Variants in MAD1L1 observed in about 807,000 individuals in gnomAD.
MAD1L1 encodes the protein mitotic arrest deficient 1 like 1, also known as mitotic spindle assembly checkpoint protein MAD1.
Under a neutral mutation model 96.9 loss-of-function variants are expected in MAD1L1, and 95 were observed. That is an observed-to-expected ratio of 0.98 (90% CI 0.83 to 1.16). MAD1L1 has a LOEUF of 1.16. Among genes scored for constraint, MAD1L1 ranks in the 50% most tolerant of loss-of-function variants. The pLI, the probability that MAD1L1 is intolerant of heterozygous loss-of-function variation, is 0.00. For synonymous variants in MAD1L1, 473 were observed against 396.6 expected (o/e 1.19, Z -2.29); for missense variants, 1,007 against 954.4 (o/e 1.06, Z -0.73).
In MAD1L1 at chr7:1,915,791, C is replaced by T. The variant is rs115378591; in HGVS notation, c.1808-17401G>A. Among the ~76,000 whole-genome samples, 1,146 of 152,314 alleles carry T rather than the reference C, an allele frequency of 7.5e-3. 12 individuals are homozygous for T. Among genetic ancestry groups the T allele is most frequent in the African/African-American group, 0.026 (1,097 of 41,566 alleles). On this transcript the variant is annotated intron_variant, in intron 17 of 18. Coordinates refer to ENST00000265854, the MANE Select transcript of MAD1L1 (RefSeq NM_001013836.2). ...ACAGTGAGATGTGGACCTCCCCTCA[C>T]GCCACGAACAGAACCAGCGGGATAA...
chr7:1,819,926 TAG>T (rs1782037967), intron 18 of MAD1L1, among the ~76,000 whole-genome samples: 1 of 151,898 alleles, frequency 6.6e-6, no homozygotes, highest in Admixed American at 6.6e-5. Context: ...GGGAGGAAGC[TAG>T]AGATGGAATG....
chr7:2,082,257 A>G (rs1785691001), intron 11 of MAD1L1, among the ~76,000 whole-genome samples: 2 of 151,946 alleles, frequency 1.3e-5, no homozygotes, highest in Non-Finnish European at 2.9e-5. Flanking sequence ...GGAAACCAGA[A>G]AAGCCAGGGA....
rs553975404 is a variant in MAD1L1, at chr7:2,162,416, C to T, written c.987-13178G>A. On this transcript the variant is annotated intron_variant, in intron 10 of 18. Coordinates refer to ENST00000265854, the MANE Select transcript of MAD1L1 (RefSeq NM_001013836.2). ...ATGCTGGTTAAGAGTCATCACCACT[C>T]CCTAATCTCAAGTACCCAGGGACAC... Among the ~76,000 whole-genome samples, 3 of 152,050 alleles carry T rather than the reference C, an allele frequency of 2.0e-5. No individual in the cohort carries two copies. The South Asian group carries it at 6.2e-4, about 32-fold the overall frequency.
In MAD1L1 at chr7:1,821,092, A is replaced by G. The variant is rs1217858682; in HGVS notation, c.1999-4864T>C. Among the ~76,000 whole-genome samples, 329 of 132,244 alleles carry G rather than the reference A, an allele frequency of 2.5e-3. 2 individuals are homozygous for G. The highest frequency in any genetic ancestry group is 9.0e-3 in the African/African-American group (315 of 35,048). 86.8% of individuals were successfully genotyped at this position (132,244 alleles called of 152,430 possible). A position where few individuals can be genotyped will look rare whatever the true frequency, so the allele number is the denominator to read the frequency against. On this transcript the variant is annotated intron_variant, in intron 18 of 18. Transcript: ENST00000265854. ...CGAGACTCCATCTCAAAAAAAAAAA[A>G]AGGGGGGGGGGAGAGTGAAATGACC...
intron 17 of MAD1L1, among the ~76,000 whole-genome samples, chr7:1,915,468 G>A (rs981310097): frequency 4.6e-5 from 7 of 152,176 alleles, no homozygotes; most frequent in African/African-American, 1.2e-4. Flanking sequence ...TGCTGAGGAC[G>A]GTCAGGGGCA....
intron 18 of MAD1L1, among the ~76,000 whole-genome samples, chr7:1,894,076 G>A (rs775918870): frequency 5.3e-5 from 8 of 152,224 alleles, no homozygotes; most frequent in Non-Finnish European, 1.0e-4. Flanking sequence ...TGGAGCTGCT[G>A]CGAACAGTAC....
At chr7:2,163,525 C>G (rs1790269214) in intron 10 of MAD1L1, among the ~76,000 whole-genome samples, 1 of 152,120 alleles carries the variant, frequency 6.6e-6, no homozygotes, top group Non-Finnish European at 1.5e-5. Flanking sequence ...AGGCGCATGA[C>G]ACCACACCTG....
chr7:2,086,146 G>A (rs1266626304), intron 11 of MAD1L1, among the ~76,000 whole-genome samples: 1 of 152,196 alleles, frequency 6.6e-6, no homozygotes, highest in Non-Finnish European at 1.5e-5. Context: ...CTAAAGACAA[G>A]CAACTGAGCT....
At chr7:2,006,773 AGAG>A (rs1782052102) in intron 13 of MAD1L1, among the ~76,000 whole-genome samples, 1 of 152,188 alleles carries the variant, frequency 6.6e-6, no homozygotes, top group Admixed American at 6.5e-5. Flanking sequence ...CTGTGTGCGC[AGAG>A]GAGGCTCCCA....
intron 18 of MAD1L1, among the ~76,000 whole-genome samples, chr7:1,865,737 G>A (rs1346411392): frequency 6.6e-6 from 1 of 152,252 alleles, no homozygotes; most frequent in African/African-American, 2.4e-5. Context: ...ATCAGGACTG[G>A]CTGCCTTGGA....
At chr7:1,936,503 G>T (rs1778612060) in intron 17 of MAD1L1, among the ~76,000 whole-genome samples, 184 bp downstream of exon 17, 1 of 152,182 alleles carries the variant, frequency 6.6e-6, no homozygotes, top group Admixed American at 6.5e-5. Flanking sequence ...CAACCCCACG[G>T]GGCCATGGGG....
chr7:2,125,707 C>G (rs996937779), intron 11 of MAD1L1, among the ~76,000 whole-genome samples: 2 of 152,188 alleles, frequency 1.3e-5, no homozygotes, highest in Non-Finnish European at 2.9e-5. Context: ...CCAAGCAGCA[C>G]GAGTGCTCCA....
chr7:2,205,383 G>A (rs1304191191), intron 10 of MAD1L1, among the ~76,000 whole-genome samples: 2 of 152,116 alleles, frequency 1.3e-5, no homozygotes, highest in Non-Finnish European at 2.9e-5. Context: ...TCACTGCTGT[G>A]AAACCTAAAA....
chr7:2,004,514 A>C (rs1781942191), intron 13 of MAD1L1, among the ~76,000 whole-genome samples: 1 of 152,192 alleles, frequency 6.6e-6, no homozygotes, highest in Non-Finnish European at 1.5e-5. Flanking sequence ...GGTCGTCCGG[A>C]AGCAGCAGGG....
chr7:2,024,871 CTACTTCAGTGAGAAATGA>C (rs1252895232), intron 12 of MAD1L1, among the ~76,000 whole-genome samples: 1 of 152,222 alleles, frequency 6.6e-6, no homozygotes, highest in Non-Finnish European at 1.5e-5. Context: ...ATTCTACCAA[CTACTTCAGTGAGAAATGA>C]TACCAATTCT....
intron 12 of MAD1L1, among the ~76,000 whole-genome samples, chr7:2,050,225 C>T (rs950798843): frequency 1.3e-5 from 2 of 151,898 alleles, no homozygotes; most frequent in African/African-American, 4.8e-5. Flanking sequence ...GGCACCTCAC[C>T]CAGCATCTGC....
intron 10 of MAD1L1, among the ~76,000 whole-genome samples, chr7:2,181,215 C>T (rs1420509588): frequency 1.3e-5 from 2 of 152,214 alleles, no homozygotes; most frequent in Non-Finnish European, 2.9e-5. Context: ...TACTTTCTTG[C>T]TTCTTGCATG....
chr7:1,868,929 C>T (rs1202322429), intron 18 of MAD1L1, among the ~76,000 whole-genome samples: 3 of 152,174 alleles, frequency 2.0e-5, no homozygotes, highest in Non-Finnish European at 2.9e-5. Flanking sequence ...ACGGAAGCGC[C>T]GCCTCACCGC....
chr7:1,869,917 G>A (rs1401427207), intron 18 of MAD1L1, among the ~76,000 whole-genome samples: 1 of 152,170 alleles, frequency 6.6e-6, no homozygotes, highest in Non-Finnish European at 1.5e-5. Flanking sequence ...TGTGAGCCCA[G>A]GAAGCAACGG....
Sources: gnomAD v4.1 joint callset for allele counts (sites outside exome capture counted in the v4.1 genomes callset) on GRCh38, gnomAD v4.1.1 for gene constraint, MANE v1.5 for transcripts, NCBI Gene and HGNC (gene_info 2026-07-23, HGNC 2026-07-21) for gene names.